ZMIZ1: variants seen among roughly 807,000 people sequenced by gnomAD.
ZMIZ1 encodes zinc finger MIZ domain-containing protein 1.
In ZMIZ1, 17 loss-of-function variants were observed where a neutral mutation model predicts 113.9. The ratio of observed to expected loss-of-function variants is 0.15; its 90% CI spans 0.10 to 0.22. ZMIZ1 has a LOEUF of 0.22. Among genes scored for constraint, ZMIZ1 ranks in the 10% least tolerant of loss-of-function variants. The pLI, the probability that ZMIZ1 is intolerant of heterozygous loss-of-function variation, is 1.00. For missense variants in ZMIZ1, 1,059 were observed against 1,477.8 expected (o/e 0.72, Z 4.65); for synonymous variants, 607 against 603.1 (o/e 1.01, Z -0.09).
In ZMIZ1 at chr10:79,208,407, C is replaced by T; in HGVS notation, c.132C>T (p.Ala44=). 6.2e-7 allele frequency: 1 copy of T among 1,614,092 alleles called. No individual in the cohort carries two copies. Among genetic ancestry groups the T allele is most frequent in the South Asian group, 1.1e-5 (1 of 91,082 alleles). Residue 44 remains alanine (A), a synonymous_variant, in exon 6 of 25, where the codon GCC becomes GCT. Transcript: ENST00000334512. The part of the protein sequence containing the change: ...ELLDWCGDPR[A]FQRPFEQSLM... ...TGGACTGGTGCGGAGACCCACGGGC[C>T]TTCCAGCGGCCCTTCGAGCAGAGCC...
chr10:79,101,017 G>A (rs1843347339), intron 1 of ZMIZ1, among the ~76,000 whole-genome samples: 1 of 152,188 alleles, frequency 6.6e-6, no homozygotes, highest in Non-Finnish European at 1.5e-5. Flanking sequence ...GAGAACAGGA[G>A]CCTTTGAAGG....
At chr10:79,191,910 T>C (rs1589402005) in intron 4 of ZMIZ1, among the ~76,000 whole-genome samples, 1 of 152,232 alleles carries the variant, frequency 6.6e-6, no homozygotes, top group Non-Finnish European at 1.5e-5. Context: ...GCTTAACTGA[T>C]GTGACATAGA....
At chr10:79,223,782 A>G (rs1849089192) in intron 7 of ZMIZ1, among the ~76,000 whole-genome samples, 1 of 152,156 alleles carries the variant, frequency 6.6e-6, no homozygotes, top group Admixed American at 6.5e-5. Flanking sequence ...CCCTGGGTGA[A>G]CTGGTGGGTG....
At position 79,069,058 on chromosome 10, in the gene ZMIZ1, CCGGGCGGCAGGCGGGCGAGCAGCGAT is replaced by C; in HGVS notation, c.-540_-515del. 1 of 151,150 alleles carries C rather than the reference CCGGGCGGCAGGCGGGCGAGCAGCGAT, an allele frequency of 6.6e-6. No individual in the cohort carries two copies. The allele number at this position is 151,150 out of a possible 1,614,324, so 9.4% of individuals were successfully genotyped here. Reference sequence around the variant, plus strand: ...GGCGGGCGCCGGGGAGAGCGGGCGGCCGGGCGGCAGGCGGGCGAGCAGCGATCGGGCGGCCGAGCGAGCGAGCAACG... The same window carrying C: ...GGCGGGCGCCGGGGAGAGCGGGCGGCCGGGCGGCCGAGCGAGCGAGCAACG... On this transcript the variant is annotated 5_prime_UTR_variant, in exon 1 of 25. Transcript: ENST00000334512. This position sits in a 1 kb window ranked among gnomAD's most constrained non-coding sequence, Gnocchi z 4.6.
At chr10:79,142,407 G>A (rs865775346) in intron 3 of ZMIZ1, among the ~76,000 whole-genome samples, 12 of 152,204 alleles carry the variant, frequency 7.9e-5, no homozygotes, top group South Asian at 2.1e-4. Flanking sequence ...GCACCCAGCC[G>A]TTTAGGGGAG....
At chr10:79,190,157 T>C (rs1847537464) in intron 4 of ZMIZ1, among the ~76,000 whole-genome samples, 2 of 152,162 alleles carry the variant, frequency 1.3e-5, no homozygotes, top group African/African-American at 4.8e-5. Flanking sequence ...CCTGTTCCCA[T>C]CACACTTGGC....
intron 23 of ZMIZ1, among the ~76,000 whole-genome samples, chr10:79,308,751 G>C (rs565094935): frequency 6.6e-6 from 1 of 152,088 alleles, no homozygotes; most frequent in Non-Finnish European, 1.5e-5. Flanking sequence ...CCCTTCCTGG[G>C]CCCTGAGGGC....
intron 4 of ZMIZ1, among the ~76,000 whole-genome samples, chr10:79,196,660 A>G (rs1847846656): frequency 6.6e-6 from 1 of 152,152 alleles, no homozygotes; most frequent in African/African-American, 2.4e-5. Context: ...CCCCGCTATG[A>G]CTAAACAGAA....
intron 2 of ZMIZ1, among the ~76,000 whole-genome samples, chr10:79,119,359 C>T (rs190105635): frequency 1.7e-3 from 256 of 152,276 alleles, no homozygotes; most frequent in African/African-American, 5.7e-3. Flanking sequence ...TCCTCTAACC[C>T]GACAAGCACT....
chr10:79,176,730 C>T (rs1484132410), intron 4 of ZMIZ1, among the ~76,000 whole-genome samples: 2 of 152,186 alleles, frequency 1.3e-5, no homozygotes, highest in East Asian at 1.9e-4. Context: ...GAGCTGCCAT[C>T]ACTGTCATCG....
At chr10:79,279,182 G>T (rs1219694407) in intron 8 of ZMIZ1, among the ~76,000 whole-genome samples, 2 of 151,782 alleles carry the variant, frequency 1.3e-5, no homozygotes, top group Non-Finnish European at 1.5e-5. Flanking sequence ...CAGCTGCCAG[G>T]GGGAGGGGCT....
In ZMIZ1 at chr10:79,177,589, C is replaced by T. The variant is rs1449185462; in HGVS notation, c.-50+15456C>T. Among the ~76,000 whole-genome samples the T allele has an allele frequency of 3.3e-5, 5 of 152,346 alleles. No individual in the cohort carries two copies. In the East Asian group the frequency reaches 9.6e-4, roughly 29 times the overall value. On this transcript the variant is annotated intron_variant, in intron 4 of 24. Coordinates refer to ENST00000334512, the MANE Select transcript of ZMIZ1 (RefSeq NM_020338.4). Reference sequence around the variant, plus strand: ...AAGGGAAGGCAGACCCGGACCCTGCCTCCTGCCCCGGGATGTCCTCACAGG... The same window carrying T: ...AAGGGAAGGCAGACCCGGACCCTGCTTCCTGCCCCGGGATGTCCTCACAGG...
rs139894250 is a variant in ZMIZ1, at chr10:79,277,200, C to G, written c.300C>G (p.Cys100Trp). ...PKSAALLSSW[C>W]EELGRLLLLR... ...CTGCAGCCTTGTTGTCCTCCTGGTG[C>G]GAAGAGCTCGGCCGCCTGCTGCTGC... is the stretch of plus-strand genomic sequence containing the variant. The change falls in exon 8 of 25, where the codon TGC (cysteine) becomes TGG (tryptophan). Residue 100 changes from cysteine to tryptophan, a missense_variant. Cys to Trp is a radical substitution (Grantham distance 215). Around this residue, in one of 6 missense-constraint regions of ZMIZ1, gnomAD observed 272 missense variants for 350.4 expected, o/e 0.78. Coordinates refer to ENST00000334512, the MANE Select transcript of ZMIZ1 (RefSeq NM_020338.4). The G allele has an allele frequency of 5.8e-6, 9 of 1,557,986 alleles. No individual in the cohort carries two copies. The highest frequency in any genetic ancestry group is 1.4e-5 in the African/African-American group (1 of 71,460).
chr10:79,302,002 G>A lies in ZMIZ1; in HGVS notation c.2020-105G>A, dbSNP rs1180822970. The A allele has an allele frequency of 3.2e-5, 37 of 1,147,940 alleles. 1 individual carries two copies. The highest frequency in any genetic ancestry group is 2.9e-4 in the Middle Eastern group (1 of 3,436). 71.1% of individuals were successfully genotyped at this position (1,147,940 alleles called of 1,614,324 possible). A position where few individuals can be genotyped will look rare whatever the true frequency, so the allele number is the denominator to read the frequency against. On this transcript the variant is annotated intron_variant, in intron 17 of 24. Transcript: ENST00000334512. ...GGAGACACCCTGGGGGAGCCTCCTG[G>A]GCCGGCTGTGGGATCCTGGGAGCAG...
chr10:79,313,719 GC>G lies in ZMIZ1; in HGVS notation c.*971del. On this transcript the variant is annotated 3_prime_UTR_variant, in exon 25 of 25. Coordinates refer to ENST00000334512, the MANE Select transcript of ZMIZ1 (RefSeq NM_020338.4). ...AAGTCACCTGGAGAAAAGGAACGTT[GC>G]TCTTGGACAGCAAGCAAACCATTTC... The G allele has an allele frequency of 3.6e-6, 1 of 281,092 alleles. No individual in the cohort carries two copies. Among genetic ancestry groups the G allele is most frequent in the East Asian group, 9.6e-5 (1 of 10,410 alleles). 17.4% of individuals were successfully genotyped at this position (281,092 alleles called of 1,614,324 possible). A position where few individuals can be genotyped will look rare whatever the true frequency, so the allele number is the denominator to read the frequency against.
chr10:79,260,168 C>A (rs1851180766), intron 7 of ZMIZ1, among the ~76,000 whole-genome samples: 1 of 152,198 alleles, frequency 6.6e-6, no homozygotes, highest in African/African-American at 2.4e-5. Flanking sequence ...CCTGCAGTGC[C>A]CTGCCTTCCA....
chr10:79,296,477 T>A lies in ZMIZ1; in HGVS notation c.1237T>A (p.Tyr413Asn), dbSNP rs764747070. The A allele has an allele frequency of 6.8e-6, 11 of 1,613,876 alleles. No homozygotes were observed. The highest frequency in any genetic ancestry group is 7.6e-6 in the Non-Finnish European group (9 of 1,179,906). The change falls in exon 13 of 25, where the codon TAT becomes AAT. Residue 413 changes from tyrosine to asparagine, a missense_variant. Coordinates refer to ENST00000334512, the MANE Select transcript of ZMIZ1 (RefSeq NM_020338.4). The surrounding 1 kb of genome is among the most constrained non-coding windows in gnomAD (Gnocchi z 4.1). ...CCTTTCTCTCCCACCACAGCCCAAC[T>A]ATGGAAACCAGCAATATGGACCAAA... Reference protein sequence around the residue: ...IKRPYPGEPNYGNQQYGPNSQ... With the variant: ...IKRPYPGEPNNGNQQYGPNSQ...
intron 6 of ZMIZ1, among the ~76,000 whole-genome samples, chr10:79,215,789 G>A (rs913940073): frequency 3.9e-5 from 6 of 152,100 alleles, no homozygotes; most frequent in African/African-American, 1.4e-4. Flanking sequence ...GGGCATGGAA[G>A]GGAGATGGAA....
At chr10:79,080,183 G>A (rs912002130) in intron 1 of ZMIZ1, among the ~76,000 whole-genome samples, 3 of 152,172 alleles carry the variant, frequency 2.0e-5, no homozygotes, top group African/African-American at 7.2e-5. Flanking sequence ...ATGGTTGGGA[G>A]CAAGTAAGGG....
Sources: allele counts gnomAD v4.1 joint callset (sites outside exome capture counted in the v4.1 genomes callset), GRCh38; gene constraint gnomAD v4.1.1; regional missense constraint gnomAD v4.1.1; non-coding constraint Gnocchi (gnomAD v3.1); transcripts MANE v1.5; gene names NCBI Gene and HGNC (gene_info 2026-07-23, HGNC 2026-07-21).